The following PDE8B variants were observed in gnomAD, a reference collection of about 807,000 sequenced individuals.
PDE8B encodes phosphodiesterase 8B.
PDE8B carries 26 observed loss-of-function variants against 101.3 expected under a neutral mutation model. The ratio of observed to expected loss-of-function variants is 0.26; its 90% CI spans 0.19 to 0.36. PDE8B has a LOEUF of 0.36. Among genes scored for constraint, PDE8B ranks in the 10% least tolerant of loss-of-function variants. The pLI is 1.00. For missense variants in PDE8B, 810 were observed against 1,163.1 expected, an observed-to-expected ratio of 0.70 and a Z score of 4.42; for synonymous variants, 424 against 429.3, an observed-to-expected ratio of 0.99 and a Z score of 0.15.
chr5:77,193,956 A>C, the PDE8B span, among the ~76,000 whole-genome samples: 2 of 152,186 alleles, frequency 1.3e-5, no homozygotes, highest in African/African-American at 4.8e-5. Flanking sequence ...GGTATATAGA[A>C]TACAATTGAC....
chr5:77,356,690 G>C (rs143482758), intron 10 of PDE8B, among the ~76,000 whole-genome samples: 20 of 152,152 alleles, frequency 1.3e-4, no homozygotes, highest in African/African-American at 4.8e-4. Flanking sequence ...TCAGCCTCCC[G>C]AAGTGCTGGG....
At chr5:77,195,578 C>A in the PDE8B span, among the ~76,000 whole-genome samples, 4 of 152,168 alleles carry the variant, frequency 2.6e-5, no homozygotes, top group African/African-American at 9.6e-5. Context: ...ATGCTGACCC[C>A]CTGCACAGTA....
the PDE8B span, among the ~76,000 whole-genome samples, chr5:77,130,352 C>G: frequency 0.4 from 61,091 of 151,898 alleles, 13,730 homozygotes; most frequent in East Asian, 0.79. Context: ...TTAAACTAGA[C>G]TGACTCATAA....
At chr5:77,234,421 C>T (rs746294687) in intron 1 of PDE8B, among the ~76,000 whole-genome samples, 3 of 152,144 alleles carry the variant, frequency 2.0e-5, no homozygotes, top group Non-Finnish European at 4.4e-5. Context: ...AAGGGGCCCT[C>T]CTCCCCTCGT....
intron 1 of PDE8B, among the ~76,000 whole-genome samples, chr5:77,285,573 A>G (rs1262654459): frequency 6.6e-6 from 1 of 152,168 alleles, no homozygotes. Flanking sequence ...GTGCCTAAAC[A>G]TAGTTTTCTT....
At chr5:77,176,839 G>A in the PDE8B span, among the ~76,000 whole-genome samples, 1 of 152,188 alleles carries the variant, frequency 6.6e-6, no homozygotes, top group Non-Finnish European at 1.5e-5. Context: ...GCGTGATATT[G>A]ATGGAACTCA....
chr5:77,197,919 G>T, the PDE8B span, among the ~76,000 whole-genome samples: 1 of 151,538 alleles, frequency 6.6e-6, no homozygotes, highest in South Asian at 2.1e-4. Flanking sequence ...AATTATAACA[G>T]TTGTTTTGAT....
the PDE8B span, among the ~76,000 whole-genome samples, chr5:77,103,960 T>A: frequency 1.2e-4 from 18 of 152,072 alleles, no homozygotes; most frequent in African/African-American, 4.3e-4. Flanking sequence ...ATAAAAAAAA[T>A]AAATGCTTGT....
At chr5:77,348,599 G>A (rs1179429087) in intron 7 of PDE8B, among the ~76,000 whole-genome samples, 3 of 152,178 alleles carry the variant, frequency 2.0e-5, no homozygotes, top group South Asian at 4.1e-4. Context: ...ATAGATAGTG[G>A]CAATTGGAAA....
chr5:77,266,410 T>C (rs1580682296), intron 1 of PDE8B, among the ~76,000 whole-genome samples: 1 of 152,274 alleles, frequency 6.6e-6, no homozygotes, highest in African/African-American at 2.4e-5. Flanking sequence ...TGGCTTAAAA[T>C]GGCCCCCCAG....
chr5:77,250,734 C>T (rs1757899254), intron 1 of PDE8B, among the ~76,000 whole-genome samples: 1 of 152,072 alleles, frequency 6.6e-6, no homozygotes, highest in African/African-American at 2.4e-5. Context: ...AGTCACTTTC[C>T]AGCCTGGGTC....
At chr5:77,151,350 T>A in the PDE8B span, 2 of 152,226 alleles carry the variant, frequency 1.3e-5, no homozygotes, top group African/African-American at 4.8e-5. Context: ...CACAGTGAAC[T>A]GGGGCATGGG....
chr5:77,420,742 A>C (rs139218597), intron 19 of PDE8B, among the ~76,000 whole-genome samples: 2 of 152,272 alleles, frequency 1.3e-5, no homozygotes, highest in African/African-American at 4.8e-5. Flanking sequence ...AGGAGCAAGG[A>C]TCTGGGGATT....
chr5:77,198,338 A>T, the PDE8B span, among the ~76,000 whole-genome samples: 2 of 151,898 alleles, frequency 1.3e-5, no homozygotes, highest in African/African-American at 4.8e-5. Flanking sequence ...CTTTTCAGTC[A>T]CTCTGTTTCT....
chr5:77,349,011 A>G (rs1384706520), intron 7 of PDE8B, among the ~76,000 whole-genome samples: 1 of 152,100 alleles, frequency 6.6e-6, no homozygotes, highest in African/African-American at 2.4e-5. Context: ...TTTAACTACA[A>G]ACATATGGAC....
At chr5:77,185,270 G>A in the PDE8B span, among the ~76,000 whole-genome samples, 1 of 152,180 alleles carries the variant, frequency 6.6e-6, no homozygotes, top group South Asian at 2.1e-4. Context: ...TCACACAACC[G>A]AGATTGACTT....
chr5:77,155,906 T>A, the PDE8B span, among the ~76,000 whole-genome samples: 1 of 152,192 alleles, frequency 6.6e-6, no homozygotes, highest in Non-Finnish European at 1.5e-5. Context: ...TATAGATATA[T>A]TATCAAGGCC....
chr5:77,389,025 C>A (rs966758428), intron 10 of PDE8B, among the ~76,000 whole-genome samples: 1 of 152,108 alleles, frequency 6.6e-6, no homozygotes, highest in Non-Finnish European at 1.5e-5. Context: ...AGGTGGGACC[C>A]GCTGAGCCAG....
At chr5:77,102,488 T>C in the PDE8B span, among the ~76,000 whole-genome samples, 2 of 152,174 alleles carry the variant, frequency 1.3e-5, no homozygotes, top group African/African-American at 4.8e-5. Context: ...GGGGATTAAA[T>C]GAAGTGAGTT....
Sources: allele counts gnomAD v4.1 joint callset (sites outside exome capture counted in the v4.1 genomes callset), GRCh38; gene constraint gnomAD v4.1.1; transcripts MANE v1.5; gene names NCBI Gene and HGNC (gene_info 2026-07-23, HGNC 2026-07-21).